The following ANP32E variants were observed in gnomAD, a reference collection of about 807,000 sequenced individuals.
The protein encoded by ANP32E is acidic leucine-rich nuclear phosphoprotein 32 family member E.
ANP32E carries 14 observed loss-of-function variants against 35.3 expected under a neutral mutation model. That is an observed-to-expected ratio of 0.40 (90% confidence interval 0.26 to 0.62). ANP32E has a LOEUF of 0.62. Among genes scored for constraint, ANP32E ranks in the 20% least tolerant of loss-of-function variants. The pLI is 0.45. For missense variants in ANP32E, 198 were observed against 304.4 expected (o/e 0.65, Z 2.60); for synonymous variants, 89 against 110.4 (o/e 0.81, Z 1.22).
rs185404239 is a variant in ANP32E at position 150,223,378 on chromosome 1, C to T, written c.682-138G>A. The T allele has an allele frequency of 4.0e-5, 49 of 1,211,146 alleles. No homozygotes were observed. The African/African-American group carries it at 7.0e-4, about 17-fold the overall frequency. The allele number at this position is 1,211,146 out of a possible 1,614,324, so 75.0% of individuals were successfully genotyped here. The stretch of plus-strand genomic sequence containing the variant: ...AACCTCTGCCATTCTTATAAAGGTC[C>T]TTTTTAAAACCTAACTAAAGGGCCG... On this transcript the variant is annotated intron_variant, in intron 5 of 6. Coordinates refer to ENST00000583931, the MANE Select transcript of ANP32E (RefSeq NM_030920.5).
chr1:150,224,047 C>A (rs1648671150), intron 5 of ANP32E, among the ~76,000 whole-genome samples: 1 of 152,128 alleles, frequency 6.6e-6, no homozygotes, highest in Non-Finnish European at 1.5e-5. Context: ...ACCCGGCCAA[C>A]TGCCTAATTC....
rs374054832 is a variant in ANP32E, at chr1:150,223,269, T to C, written c.682-29A>G. ...GAAATTCAAATATTCAGTTTGAAGA[T>C]TGAAAAATCCATATGATTTTTCACT... On this transcript the variant is annotated intron_variant, in intron 5 of 6. Coordinates refer to ENST00000583931, the MANE Select transcript of ANP32E (RefSeq NM_030920.5). 1.8e-4 allele frequency: 272 copies of C among 1,521,420 alleles called. 3 individuals carry two copies. The East Asian group carries it at 4.5e-3, about 25-fold the overall frequency. The allele number at this position is 1,521,420 out of a possible 1,614,324, so 94.2% of individuals were successfully genotyped here. A position where few individuals can be genotyped will look rare whatever the true frequency, so the allele number is the denominator to read the frequency against.
intron 1 of ANP32E, among the ~76,000 whole-genome samples, chr1:150,232,331 G>T (rs1553841984): frequency 1.4e-5 from 1 of 69,278 alleles, no homozygotes; most frequent in Non-Finnish European, 2.6e-5. Context: ...GCGACAGAGG[G>T]AGACTCCGTC....
At chr1:150,234,685 C>A in intron 1 of ANP32E, 1 of 985,534 alleles carries the variant, frequency 1.0e-6, no homozygotes, top group Non-Finnish European at 1.2e-6. Flanking sequence ...TGACGGGAAA[C>A]CCCACACGGG....
chr1:150,227,224 G>A (rs1163273115), intron 4 of ANP32E, among the ~76,000 whole-genome samples: 1 of 152,086 alleles, frequency 6.6e-6, no homozygotes, highest in South Asian at 2.1e-4. Flanking sequence ...ACTACCATTC[G>A]ACCCAGCAAT....
chr1:150,220,714 C>A lies in ANP32E; in HGVS notation c.784G>T (p.Asp262Tyr), dbSNP rs781837866. The change falls in exon 7 of 7, where the codon GAT becomes TAT. Residue 262 changes from aspartate to tyrosine, a missense_variant. Asp to Tyr is a radical substitution (Grantham distance 160). Coordinates refer to ENST00000583931, the MANE Select transcript of ANP32E (RefSeq NM_030920.5). ...GEKRKRDAED[D>Y]GEEEDD Reference sequence around the variant, plus strand: ...ATCTAGTCATCTTCTTCCTCTCCATCGTCTTCAGCATCTCGTTTCCTCTTC... The same window carrying A: ...ATCTAGTCATCTTCTTCCTCTCCATAGTCTTCAGCATCTCGTTTCCTCTTC... The A allele has an allele frequency of 6.2e-7, 1 of 1,614,006 alleles. No homozygotes were observed. The highest frequency in any genetic ancestry group is 8.5e-7 in the Non-Finnish European group (1 of 1,179,950).
chr1:150,234,791 A>G (rs1649646623), intron 1 of ANP32E: 6 of 487,178 alleles, frequency 1.2e-5, no homozygotes, highest in Admixed American at 6.4e-5. Context: ...GCAACCGCGA[A>G]AAGGAGGCGG....
chr1:150,234,775 G>A (rs978572023), intron 1 of ANP32E: 9 of 643,208 alleles, frequency 1.4e-5, no homozygotes, highest in South Asian at 1.4e-4. Context: ...AGGTGAGGCC[G>A]AGAAGGCAAC....
rs142580858 is a variant in ANP32E, at chr1:150,220,617, G to A, written c.*74C>T. 1,126 of 1,347,918 alleles carry A rather than the reference G, an allele frequency of 8.4e-4. 3 individuals are homozygous for A. The highest frequency in any genetic ancestry group is 1.6e-3 in the Middle Eastern group (9 of 5,484). The allele number at this position is 1,347,918 out of a possible 1,614,324, so 83.5% of individuals were successfully genotyped here. On this transcript the variant is annotated 3_prime_UTR_variant, in exon 7 of 7. Transcript: ENST00000583931. ...ATTATCTTCTGTAGGGATAGCTATCGTACATGAAGAAACAAAGATGTGATC... is the reference window on the plus strand; with the variant it reads ...ATTATCTTCTGTAGGGATAGCTATCATACATGAAGAAACAAAGATGTGATC...
At chr1:150,230,921 T>G (rs1049053830) in intron 2 of ANP32E, among the ~76,000 whole-genome samples, 4 of 152,120 alleles carry the variant, frequency 2.6e-5, no homozygotes, top group African/African-American at 7.2e-5. Context: ...TTTTGTATTT[T>G]TGGTACAGAT....
chr1:150,223,418 C>T, intron 5 of ANP32E, 178 bp from the exon 6 acceptor site: 2 of 714,524 alleles, frequency 2.8e-6, no homozygotes, highest in Non-Finnish European at 2.2e-6. Flanking sequence ...CGGTGGCTCA[C>T]GCCTGTAATC....
At chr1:150,222,118 A>G (rs1468667690) in intron 6 of ANP32E, among the ~76,000 whole-genome samples, 5 of 151,590 alleles carry the variant, frequency 3.3e-5, no homozygotes, top group Non-Finnish European at 5.9e-5. Context: ...AAAATAAAAT[A>G]AAATAAAATA....
intron 6 of ANP32E, among the ~76,000 whole-genome samples, chr1:150,221,115 C>CAAAAAAAAAA: frequency 1.5e-5 from 1 of 68,916 alleles, no homozygotes; most frequent in Non-Finnish European, 2.5e-5. Flanking sequence ...ACTTTGTCTC[C>CAAAAAAAAAA]AAAAAAAAAA....
intron 1 of ANP32E, chr1:150,234,515 C>T: frequency 1.1e-6 from 1 of 892,898 alleles, no homozygotes; most frequent in Non-Finnish European, 1.3e-6. Context: ...CCGATCTGCA[C>T]AGACACCACC....
intron 5 of ANP32E, among the ~76,000 whole-genome samples, chr1:150,223,750 T>A (rs1472223500): frequency 1.4e-5 from 2 of 146,808 alleles, no homozygotes; most frequent in African/African-American, 2.5e-5. Flanking sequence ...TTTATTTATT[T>A]ATTTTTTTTT....
Position 150,226,728 on chromosome 1 carries a change from C to T in ANP32E, c.561G>A (p.Glu187=), listed in dbSNP as rs148947714. 6.3e-7 allele frequency: 1 copy of T among 1,587,326 alleles called. No individual in the cohort carries two copies. Among genetic ancestry groups the T allele is most frequent in the African/African-American group, 1.3e-5 (1 of 74,296 alleles). ...EAGPPEGYEE[E]EEEEEEEDED... ...CATCCTCCTCTTCCTCTTCCTCCTCCTCTTCCTCATATCCTTCCGGTGGAC... is the reference window on the plus strand; with the variant it reads ...CATCCTCCTCTTCCTCTTCCTCCTCTTCTTCCTCATATCCTTCCGGTGGAC... The change falls in exon 5 of 7, where the codon GAG becomes GAA. Residue 187 remains glutamate, a synonymous_variant. Coordinates refer to ENST00000583931, the MANE Select transcript of ANP32E (RefSeq NM_030920.5).
chr1:150,221,534 AGG>A (rs1553837919), intron 6 of ANP32E, among the ~76,000 whole-genome samples: 15 of 31,772 alleles, frequency 4.7e-4, no homozygotes, highest in Middle Eastern at 0.014. Flanking sequence ...AGTGGGAGGA[AGG>A]GAGGGAGGGA....
At chr1:150,223,515 T>C (rs1648607064) in intron 5 of ANP32E, among the ~76,000 whole-genome samples, 1 of 151,808 alleles carries the variant, frequency 6.6e-6, no homozygotes. Context: ...ACCCTATCTC[T>C]ACTAAAAATA....
chr1:150,230,812 A>C, intron 2 of ANP32E, 119 bp from the exon 3 acceptor site: 4 of 842,970 alleles, frequency 4.7e-6, no homozygotes, highest in South Asian at 1.9e-5. Context: ...TGCGATCTCC[A>C]CTCACTGCAA....
Sources: gnomAD v4.1 joint callset for allele counts (sites outside exome capture counted in the v4.1 genomes callset) on GRCh38, gnomAD v4.1.1 for gene constraint, MANE v1.5 for transcripts, NCBI Gene and HGNC (gene_info 2026-07-23, HGNC 2026-07-21) for gene names.